Variants in PPP2R2C observed in about 807,000 individuals in gnomAD.
The protein encoded by PPP2R2C is protein phosphatase 2 regulatory subunit Bgamma, also known as protein phosphatase 2, regulatory subunit B, gamma.
In PPP2R2C, 10 loss-of-function variants were observed where a neutral mutation model predicts 45.3. The ratio of observed to expected loss-of-function variants is 0.22; its 90% confidence interval spans 0.14 to 0.37. The LOEUF (loss-of-function observed/expected upper bound fraction) is 0.37. PPP2R2C is among the 10% of genes least tolerant of loss of function. PPP2R2C has a pLI of 1.00. For missense variants in PPP2R2C, 308 were observed against 619.7 expected (o/e 0.50, Z 5.34); for synonymous variants, 257 against 245.4 (o/e 1.05, Z -0.44).
chr4:6,331,921 C>T lies in PPP2R2C; in HGVS notation c.960+1641G>A, dbSNP rs934061704. 2.6e-5 allele frequency among the ~76,000 whole-genome samples: 4 copies of T among 152,184 alleles called. No individual in the cohort carries two copies. Among genetic ancestry groups the T allele is most frequent in the African/African-American group, 9.7e-5 (4 of 41,436 alleles). On this transcript the variant is annotated intron_variant, in intron 7 of 8. Transcript: ENST00000382599. The surrounding 1 kb of genome is among the most constrained non-coding windows in gnomAD (Gnocchi z 5.9). ...ACAATTTCTAGCACATCACAAGCCA[C>T]CAAAAAATGTTGGTTGTTGTGCTGC...
chr4:6,466,709 T>A (rs2108764325), intron 1 of PPP2R2C, among the ~76,000 whole-genome samples: 1 of 152,100 alleles, frequency 6.6e-6, no homozygotes, highest in East Asian at 1.9e-4. Flanking sequence ...TTACCAAACA[T>A]CCCTTAGCTC....
At chr4:6,349,967 A>G in intron 5 of PPP2R2C, 1 of 985,402 alleles carries the variant, frequency 1.0e-6, no homozygotes, top group Non-Finnish European at 1.2e-6. Flanking sequence ...AAAATGGCTG[A>G]TCTGTGCAGT....
At chr4:6,429,715 C>T (rs1719516596) in intron 1 of PPP2R2C, among the ~76,000 whole-genome samples, 2 of 152,112 alleles carry the variant, frequency 1.3e-5, no homozygotes, top group African/African-American at 4.8e-5. Context: ...TTCACCAGCT[C>T]CTTGAAGCTT....
intron 1 of PPP2R2C, among the ~76,000 whole-genome samples, chr4:6,561,178 C>T (rs1725561268): frequency 6.6e-6 from 1 of 152,204 alleles, no homozygotes; most frequent in East Asian, 1.9e-4. Context: ...ATTGGGGCAT[C>T]GACCTGTGGA....
At chr4:6,524,562 G>C (rs763842695) in intron 2 of PPP2R2C, among the ~76,000 whole-genome samples, 1 of 152,206 alleles carries the variant, frequency 6.6e-6, no homozygotes, top group Non-Finnish European at 1.5e-5. Context: ...GGAAGAGAGG[G>C]TCAAGACAGC....
intron 1 of PPP2R2C, among the ~76,000 whole-genome samples, chr4:6,457,822 C>A (rs893087853): frequency 1.3e-5 from 2 of 152,152 alleles, no homozygotes; most frequent in East Asian, 1.9e-4. Context: ...TTATTGTATA[C>A]CTTACGATAC....
Position 6,413,647 on chromosome 4 carries a change from A to G in PPP2R2C, c.71-32553T>C, listed in dbSNP as rs149143995. On this transcript the variant is annotated intron_variant, in intron 1 of 8. Transcript: ENST00000382599. ...ACCCTGCCGCCTCTCAGCCTGCACC[A>G]CAGCACTCACCTGTTCCATTCATGA... 3.9e-3 allele frequency among the ~76,000 whole-genome samples: 598 copies of G among 152,280 alleles called. 5 individuals are homozygous for G. The highest frequency in any genetic ancestry group is 0.014 in the African/African-American group (567 of 41,552).
intron 4 of PPP2R2C, among the ~76,000 whole-genome samples, chr4:6,373,021 C>T (rs1054344185): frequency 6.6e-6 from 1 of 152,258 alleles, no homozygotes; most frequent in Non-Finnish European, 1.5e-5. Flanking sequence ...GCCTCCTCAC[C>T]TCCTCCTGCA....
chr4:6,414,901 C>T (rs1376263253), intron 1 of PPP2R2C, among the ~76,000 whole-genome samples: 1 of 152,220 alleles, frequency 6.6e-6, no homozygotes, highest in African/African-American at 2.4e-5. Flanking sequence ...ACCACATGTG[C>T]TTAGTTTTCC....
chr4:6,512,221 T>A (rs865916016), intron 2 of PPP2R2C, among the ~76,000 whole-genome samples: 5 of 13,086 alleles, frequency 3.8e-4, no homozygotes, highest in East Asian at 3.6e-3. Flanking sequence ...GATGGTGGTG[T>A]TGGTGGTGGT....
In PPP2R2C at chr4:6,535,851, G is replaced by A. The variant is rs143142008; in HGVS notation, c.-58-474C>T. 1.0e-3 allele frequency among the ~76,000 whole-genome samples: 159 copies of A among 152,296 alleles called. 1 individual carries two copies. Among genetic ancestry groups the A allele is most frequent in the African/African-American group, 3.6e-3 (149 of 41,564 alleles). On this transcript the variant is annotated intron_variant, in intron 1 of 9. Transcript: ENST00000506140. ...GGCCAACTTCTGAGCCTGCGGATGA[G>A]AGCACATGGCCACTGAGGTCCCACT...
chr4:6,327,738 G>A (rs4543208), intron 8 of PPP2R2C, among the ~76,000 whole-genome samples: 37,834 of 152,044 alleles, frequency 0.25, 4,980 homozygotes, highest in Non-Finnish European at 0.3. Context: ...GCCCAGCCCC[G>A]GGTCGGGCCT....
rs371834085 is a variant in PPP2R2C, at chr4:6,499,318, AT to A, written c.49+35952del. Among the ~76,000 whole-genome samples the A allele has an allele frequency of 2.4e-4, 37 of 152,278 alleles. 1 individual carries two copies. Among genetic ancestry groups the A allele is most frequent in the African/African-American group, 8.4e-4 (35 of 41,570 alleles). On this transcript the variant is annotated intron_variant, in intron 2 of 9. Transcript: ENST00000506140. ...AGGGAATCAGATAGGCATGAAGTAC[AT>A]TCTGGAGCACTGTGGAGCGCAACCC... is the stretch of plus-strand genomic sequence containing the variant.
chr4:6,364,285 G>C lies in PPP2R2C; in HGVS notation c.625+8238C>G, dbSNP rs573830275. Among the ~76,000 whole-genome samples, 1 of 152,324 alleles carries C rather than the reference G, an allele frequency of 6.6e-6. No homozygotes were observed. The highest frequency in any genetic ancestry group is 2.4e-5 in the African/African-American group (1 of 41,580). On this transcript the variant is annotated intron_variant, in intron 5 of 8. Coordinates refer to ENST00000382599, the MANE Select transcript of PPP2R2C (RefSeq NM_020416.4). This position sits in a 1 kb window ranked among gnomAD's most constrained non-coding sequence, Gnocchi z 5.3. ...AGTGCAAAATGGCTCTGCTGCAGGA[G>C]ATGGCTGGAAATATGGTGAAGAGCA...
At chr4:6,540,311 C>T (rs1438736127) in intron 1 of PPP2R2C, among the ~76,000 whole-genome samples, 2 of 152,198 alleles carry the variant, frequency 1.3e-5, no homozygotes, top group African/African-American at 2.4e-5. Context: ...TGGAATCATA[C>T]ACTATGTGGT....
chr4:6,376,051 C>G (rs1715275389), intron 3 of PPP2R2C, 120 bp from the exon 4 acceptor site: 2 of 823,534 alleles, frequency 2.4e-6, no homozygotes, highest in Non-Finnish European at 3.9e-6. Context: ...GTTCTGCCAA[C>G]AGACGGCTTT....
intron 1 of PPP2R2C, among the ~76,000 whole-genome samples, chr4:6,459,953 C>T (rs1405915240): frequency 1.3e-5 from 2 of 152,188 alleles, no homozygotes; most frequent in Non-Finnish European, 2.9e-5. Context: ...ACCAAACTCT[C>T]AGAAGCAGCC....
Position 6,511,257 on chromosome 4 carries a change from GA to G in PPP2R2C, c.49+24013del, listed in dbSNP as rs1323036984. Among the ~76,000 whole-genome samples the G allele has an allele frequency of 2.9e-3, 378 of 130,358 alleles. 1 individual carries two copies. Among genetic ancestry groups the G allele is most frequent in the Non-Finnish European group, 4.4e-3 (276 of 63,182 alleles). The allele number at this position is 130,358 out of a possible 152,430, so 85.5% of individuals were successfully genotyped here. A position where few individuals can be genotyped will look rare whatever the true frequency, so the allele number is the denominator to read the frequency against. ...TCGTTCCGCTGGTGATGCTGATGCTGATGCTGATGCTGATGCTGATGCTGAT... is the reference window on the plus strand; with the variant it reads ...TCGTTCCGCTGGTGATGCTGATGCTGTGCTGATGCTGATGCTGATGCTGAT... On this transcript the variant is annotated intron_variant, in intron 2 of 9. Transcript: ENST00000506140.
Position 6,436,219 on chromosome 4 carries a change from A to G in PPP2R2C, c.70+35941T>C, listed in dbSNP as rs28418897. On this transcript the variant is annotated intron_variant, in intron 1 of 8. Transcript: ENST00000382599. ...AAGTATGCTGCTTACAAGCCACCCA[A>G]TCTATGGTATTCTGCTATAGCAGCA... Among the ~76,000 whole-genome samples, 743 of 152,296 alleles carry G rather than the reference A, an allele frequency of 4.9e-3. 6 individuals are homozygous for G. Among genetic ancestry groups the G allele is most frequent in the African/African-American group, 0.017 (726 of 41,568 alleles).
Sources: gnomAD v4.1 joint callset for allele counts (sites outside exome capture counted in the v4.1 genomes callset) on GRCh38, gnomAD v4.1.1 for gene constraint, Gnocchi (gnomAD v3.1) non-coding constraint, MANE v1.5 for transcripts, NCBI Gene and HGNC (gene_info 2026-07-23, HGNC 2026-07-21) for gene names.